The following CWC27 variants were observed in gnomAD, a reference collection of about 807,000 sequenced individuals.
CWC27 encodes spliceosome-associated protein CWC27 homolog.
CWC27 carries 47 observed loss-of-function variants against 63.6 expected under a neutral mutation model. That is an observed-to-expected ratio of 0.74 (90% CI 0.58 to 0.94). The LOEUF (loss-of-function observed/expected upper bound fraction) is 0.94, where lower values mean the gene tolerates loss of function less well. Ranked by LOEUF, CWC27 falls within the 40% of genes least tolerant of loss-of-function variation. The pLI is 0.00. For synonymous variants in CWC27, 175 were observed against 179.8 expected (o/e 0.97, Z 0.22); for missense variants, 495 against 554.3 (o/e 0.89, Z 1.07).
intron 10 of CWC27, among the ~76,000 whole-genome samples, chr5:64,829,827 T>C (rs1196096462): frequency 6.6e-6 from 1 of 151,466 alleles, no homozygotes; most frequent in Non-Finnish European, 1.5e-5. Flanking sequence ...CATTGTGTGA[T>C]GTTCCCCTCC....
chr5:64,836,731 A>G (rs777713543), intron 10 of CWC27, among the ~76,000 whole-genome samples: 1 of 152,044 alleles, frequency 6.6e-6, no homozygotes, highest in Non-Finnish European at 1.5e-5. Context: ...CCAACAGAGT[A>G]ACAGTACTGT....
At chr5:64,809,782 A>G (rs868327922) in intron 10 of CWC27, among the ~76,000 whole-genome samples, 3 of 152,140 alleles carry the variant, frequency 2.0e-5, no homozygotes, top group Non-Finnish European at 4.4e-5. Context: ...AGTTCCTTAT[A>G]TATTTTGTAT....
At chr5:64,774,887 A>G (rs967895602) in intron 2 of CWC27, 100 bp downstream of exon 2, 1 of 676,906 alleles carries the variant, frequency 1.5e-6, no homozygotes, top group African/African-American at 1.8e-5. Context: ...AATAGTGGTC[A>G]TGAATGACAG....
At chr5:64,956,622 T>C (rs1410621018) in intron 11 of CWC27, among the ~76,000 whole-genome samples, 1 of 152,144 alleles carries the variant, frequency 6.6e-6, no homozygotes, top group Non-Finnish European at 1.5e-5. Context: ...TAATAGTGTA[T>C]GTCTTACCCT....
intron 10 of CWC27, chr5:64,807,636 C>T (rs1413293047): frequency 2.1e-5 from 32 of 1,535,636 alleles, no homozygotes; most frequent in Non-Finnish European, 2.7e-5. Flanking sequence ...CTACTGGATA[C>T]AGCTCAGCAG....
chr5:64,919,230 G>T (rs1160562066), intron 11 of CWC27, among the ~76,000 whole-genome samples: 1 of 152,006 alleles, frequency 6.6e-6, no homozygotes, highest in Non-Finnish European at 1.5e-5. Context: ...TGTCATTTGG[G>T]CCCAGTAAAT....
intron 11 of CWC27, among the ~76,000 whole-genome samples, chr5:64,919,390 G>A (rs1747953503): frequency 6.6e-6 from 1 of 152,124 alleles, no homozygotes; most frequent in Admixed American, 6.6e-5. Flanking sequence ...GAGGGTGCAA[G>A]TGCAGGTTTG....
intron 13 of CWC27, among the ~76,000 whole-genome samples, chr5:64,978,423 T>C (rs1749270316): frequency 6.6e-6 from 1 of 152,214 alleles, no homozygotes; most frequent in African/African-American, 2.4e-5. Context: ...TTTCTATTAC[T>C]TATATAGATT....
At chr5:64,804,107 A>G (rs890900805) in intron 9 of CWC27, 122 bp from the exon 10 acceptor site, 6 of 895,476 alleles carry the variant, frequency 6.7e-6, no homozygotes, top group Middle Eastern at 3.5e-4. Flanking sequence ...AACAAAAGAA[A>G]ACAAAATAAA....
intron 13 of CWC27, among the ~76,000 whole-genome samples, chr5:64,983,464 G>A (rs900506279): frequency 6.6e-6 from 1 of 152,152 alleles, no homozygotes; most frequent in Non-Finnish European, 1.5e-5. Flanking sequence ...CAGACACACA[G>A]GGGTCCCCGA....
At chr5:64,831,633 G>A (rs769831592) in intron 10 of CWC27, among the ~76,000 whole-genome samples, 26 of 151,798 alleles carry the variant, frequency 1.7e-4, no homozygotes, top group Non-Finnish European at 2.8e-4. Context: ...TTACCTGGGT[G>A]ACAAAATTAT....
intron 10 of CWC27, among the ~76,000 whole-genome samples, chr5:64,856,491 T>C (rs1036920071): frequency 3.3e-5 from 5 of 152,116 alleles, no homozygotes; most frequent in Non-Finnish European, 7.4e-5. Flanking sequence ...TGTGTGTATG[T>C]GTGTAGTTCC....
At chr5:64,899,137 G>A (rs1454131362) in intron 11 of CWC27, among the ~76,000 whole-genome samples, 1 of 152,084 alleles carries the variant, frequency 6.6e-6, no homozygotes, top group Non-Finnish European at 1.5e-5. Flanking sequence ...CTGAATTCAG[G>A]GAGAAAATTA....
At chr5:64,898,994 C>G (rs1326335499) in intron 11 of CWC27, among the ~76,000 whole-genome samples, 5 of 152,168 alleles carry the variant, frequency 3.3e-5, no homozygotes, top group Non-Finnish European at 5.9e-5. Context: ...ACTGAAATCA[C>G]ATGGCCATAC....
In CWC27 at chr5:64,782,004, G is replaced by C; in HGVS notation, c.223G>C (p.Gly75Arg). 1 of 1,591,752 alleles carries C rather than the reference G, an allele frequency of 6.3e-7. No homozygotes were observed. Residue 75 changes from glycine (G) to arginine (R), a missense_variant, in exon 3 of 14, where the codon GGA (glycine) becomes CGA (arginine). Gly to Arg is a moderately radical substitution (Grantham distance 125). Coordinates refer to ENST00000381070, the MANE Select transcript of CWC27 (RefSeq NM_005869.4). ...AGATCCTACTGGCACAGGGAGTGGT[G>C]GAGAGTCTATCTATGGAGCGCCATT... ...GGDPTGTGSGGESIYGAPFKD... is the reference protein window; with the variant it reads ...GGDPTGTGSGRESIYGAPFKD...
At chr5:64,847,774 A>C (rs1580670306) in intron 10 of CWC27, among the ~76,000 whole-genome samples, 1 of 152,212 alleles carries the variant, frequency 6.6e-6, no homozygotes, top group East Asian at 1.9e-4. Flanking sequence ...TGTTTCTAAA[A>C]ACAAATGGGT....
intron 11 of CWC27, among the ~76,000 whole-genome samples, chr5:64,895,453 A>T (rs547519878): frequency 1.5e-3 from 233 of 152,334 alleles, no homozygotes; most frequent in African/African-American, 5.3e-3. Context: ...TTTAGTTGGA[A>T]ATGGCCCTTG....
intron 11 of CWC27, among the ~76,000 whole-genome samples, 192 bp downstream of exon 11, chr5:64,885,738 T>TGTGTGTGTGTGTGTGTG (rs60595588): frequency 7.8e-5 from 11 of 141,480 alleles, no homozygotes; most frequent in East Asian, 1.9e-4. Context: ...TGTGTGTGTG[T>TGTGTGTGTGTGTGTGTG]TTTTAATACT....
At chr5:64,894,703 C>T (rs1339136612) in intron 11 of CWC27, among the ~76,000 whole-genome samples, 1 of 152,012 alleles carries the variant, frequency 6.6e-6, no homozygotes, top group Non-Finnish European at 1.5e-5. Flanking sequence ...TGCAAAAATG[C>T]AAGGAATACT....
Sources: allele counts gnomAD v4.1 joint callset (sites outside exome capture counted in the v4.1 genomes callset), GRCh38; gene constraint gnomAD v4.1.1; transcripts MANE v1.5; gene names NCBI Gene and HGNC (gene_info 2026-07-23, HGNC 2026-07-21).